The following DENND1A variants were observed in gnomAD, a reference collection of about 807,000 sequenced individuals.
DENND1A encodes DENN domain containing 1A.
In DENND1A, 51 loss-of-function variants were observed where a neutral mutation model predicts 113.7. The observed-to-expected ratio is 0.45, with a 90% CI of 0.36 to 0.57. The LOEUF (loss-of-function observed/expected upper bound fraction) is 0.57, where lower values mean the gene tolerates loss of function less well. Ranked by LOEUF, DENND1A falls within the 20% of genes least tolerant of loss-of-function variation. The probability of loss-of-function intolerance (pLI) is 0.00; values close to 1 mark genes in which losing one functional copy is unlikely to be tolerated. For missense variants in DENND1A, 1,258 were observed against 1,395.9 expected (o/e 0.90, Z 1.57); for synonymous variants, 565 against 570.8 (o/e 0.99, Z 0.14).
At chr9:123,715,279 A>C (rs1021841404) in intron 5 of DENND1A, among the ~76,000 whole-genome samples, 1 of 152,236 alleles carries the variant, frequency 6.6e-6, no homozygotes, top group Non-Finnish European at 1.5e-5. Flanking sequence ...CTTGCAAAAA[A>C]TAACTGTGAT....
chr9:123,804,437 A>G (rs905177270), intron 2 of DENND1A, among the ~76,000 whole-genome samples: 5 of 152,270 alleles, frequency 3.3e-5, no homozygotes, highest in Non-Finnish European at 5.9e-5. Context: ...CTCCTGCCTC[A>G]CTGGCTTCTG....
At chr9:123,868,991 A>C (rs931498332) in intron 2 of DENND1A, among the ~76,000 whole-genome samples, 1 of 152,240 alleles carries the variant, frequency 6.6e-6, no homozygotes, top group Non-Finnish European at 1.5e-5. Context: ...AGGCAAATTG[A>C]GAGAGGCATA....
intron 5 of DENND1A, among the ~76,000 whole-genome samples, chr9:123,729,434 A>G (rs749179174): frequency 2.6e-5 from 4 of 152,038 alleles, no homozygotes; most frequent in Non-Finnish European, 2.9e-5. Flanking sequence ...CAAAATCCAC[A>G]TGCAAAAACA....
At chr9:123,694,877 T>G (rs1439497385) in intron 5 of DENND1A, among the ~76,000 whole-genome samples, 3 of 152,232 alleles carry the variant, frequency 2.0e-5, no homozygotes, top group Non-Finnish European at 4.4e-5. Context: ...ATACAAAGTA[T>G]TGATCCTGGG....
intron 19 of DENND1A, among the ~76,000 whole-genome samples, chr9:123,421,604 C>T (rs1353054306): frequency 7.9e-5 from 12 of 152,200 alleles, no homozygotes; most frequent in Admixed American, 7.9e-4. Context: ...TGAGAATTTG[C>T]TCAGTACATT....
At chr9:123,551,733 A>G (rs1162678504) in intron 13 of DENND1A, among the ~76,000 whole-genome samples, 1 of 152,152 alleles carries the variant, frequency 6.6e-6, no homozygotes, top group African/African-American at 2.4e-5. Context: ...AGTCCTTTGG[A>G]ATAATTCACC....
chr9:123,603,454 G>A (rs747571517), intron 11 of DENND1A, among the ~76,000 whole-genome samples: 5 of 152,190 alleles, frequency 3.3e-5, no homozygotes, highest in African/African-American at 4.8e-5. Flanking sequence ...TCCTCTGAAT[G>A]GCGGCTCAGT....
At chr9:123,596,329 C>T (rs181546485) in intron 11 of DENND1A, among the ~76,000 whole-genome samples, 1 of 152,326 alleles carries the variant, frequency 6.6e-6, no homozygotes, top group East Asian at 1.9e-4. Flanking sequence ...AAACCTTACG[C>T]TATTCACATA....
At chr9:123,817,093 C>T (rs531790700) in intron 2 of DENND1A, among the ~76,000 whole-genome samples, 49 of 152,254 alleles carry the variant, frequency 3.2e-4, no homozygotes, top group African/African-American at 1.1e-3. Context: ...CTATAATAAC[C>T]TCAATGGTAA....
intron 10 of DENND1A, among the ~76,000 whole-genome samples, chr9:123,614,548 T>G (rs1281907881): frequency 6.6e-6 from 1 of 151,464 alleles, no homozygotes; most frequent in African/African-American, 2.4e-5. Context: ...GAGCAGCTAC[T>G]AATTGGAAAT....
chr9:123,553,041 G>A (rs2057199572), intron 13 of DENND1A, among the ~76,000 whole-genome samples: 2 of 152,216 alleles, frequency 1.3e-5, no homozygotes, highest in South Asian at 4.1e-4. Context: ...AGGATCACTC[G>A]AGCCCAGGAG....
rs1040892574 is a variant in DENND1A at position 123,580,867 on chromosome 9, G to T, written c.867+2302C>A. Among the ~76,000 whole-genome samples, 3 of 152,306 alleles carry T rather than the reference G, an allele frequency of 2.0e-5. No homozygotes were observed. In the East Asian group the frequency reaches 5.8e-4, roughly 29 times the overall value. On this transcript the variant is annotated intron_variant, in intron 12 of 23. Transcript: ENST00000394215. ...TTCTGTCATCTCTTGCTGCCTCAGA[G>T]GGAGGCGGGATACATAGAGTAGAAG... is the stretch of plus-strand genomic sequence containing the variant.
At chr9:123,461,604 C>G (rs757318477) in intron 13 of DENND1A, among the ~76,000 whole-genome samples, 1 of 152,120 alleles carries the variant, frequency 6.6e-6, no homozygotes, top group African/African-American at 2.4e-5. Flanking sequence ...GCTGAGGGCC[C>G]GATACATTCA....
intron 2 of DENND1A, among the ~76,000 whole-genome samples, chr9:123,811,660 G>A (rs1048408061): frequency 2.6e-5 from 4 of 152,356 alleles, no homozygotes; most frequent in African/African-American, 9.6e-5. Flanking sequence ...TTGGGAGGCT[G>A]AGGCAGGAGA....
intron 11 of DENND1A, among the ~76,000 whole-genome samples, chr9:123,608,148 G>C (rs1249762923): frequency 1.3e-5 from 2 of 152,186 alleles, no homozygotes; most frequent in African/African-American, 4.8e-5. Context: ...TGATGACAAG[G>C]AGGAACTGTT....
chr9:123,734,434 A>T (rs1217914329), intron 5 of DENND1A, among the ~76,000 whole-genome samples: 1 of 152,168 alleles, frequency 6.6e-6, no homozygotes, highest in Non-Finnish European at 1.5e-5. Flanking sequence ...AAGTGGGGAA[A>T]GTGCATGTCT....
chr9:123,464,994 C>CAAAAAAAAA lies in DENND1A; in HGVS notation c.994-7106_994-7098dup, dbSNP rs10655282. On this transcript the variant is annotated intron_variant, in intron 13 of 23. Transcript: ENST00000394215. ...CAAAAACCCATTTCTACTAAAAATA[C>CAAAAAAAAA]AAAAAAAAAAAAAAAAAAAAAAAAA... is the stretch of plus-strand genomic sequence containing the variant. Among the ~76,000 whole-genome samples, 252 of 70,020 alleles carry CAAAAAAAAA rather than the reference C, an allele frequency of 3.6e-3. 1 individual carries two copies. The highest frequency in any genetic ancestry group is 9.0e-3 in the African/African-American group (146 of 16,244). The allele number at this position is 70,020 out of a possible 152,430, so 45.9% of individuals were successfully genotyped here.
intron 4 of DENND1A, among the ~76,000 whole-genome samples, chr9:123,762,781 G>T (rs1369593313): frequency 6.6e-6 from 1 of 152,198 alleles, no homozygotes; most frequent in Non-Finnish European, 1.5e-5. Context: ...GGAAGGAAAG[G>T]CCCTACTGAG....
chr9:123,616,606 T>G (rs1240559163), intron 10 of DENND1A, among the ~76,000 whole-genome samples: 1 of 152,216 alleles, frequency 6.6e-6, no homozygotes. Flanking sequence ...GGTTAGTGTT[T>G]CTATTTCATG....
Sources: gnomAD v4.1 joint callset for allele counts (sites outside exome capture counted in the v4.1 genomes callset) on GRCh38, gnomAD v4.1.1 for gene constraint, MANE v1.5 for transcripts, NCBI Gene and HGNC (gene_info 2026-07-23, HGNC 2026-07-21) for gene names.